The following KIF26B variants were observed in gnomAD, a reference collection of about 807,000 sequenced individuals.
The protein encoded by KIF26B is kinesin family member 26B, also known as kinesin-like protein KIF26B.
A neutral mutation model predicts 151.2 loss-of-function variants in KIF26B; 63 were observed. The observed-to-expected ratio is 0.42, with a 90% CI of 0.34 to 0.51. The LOEUF is 0.51. KIF26B is among the 20% of genes least tolerant of loss of function. The probability of loss-of-function intolerance (pLI) is 0.07; values close to 1 mark genes in which losing one functional copy is unlikely to be tolerated. For missense variants in KIF26B, 2,813 were observed against 2,913.6 expected (o/e 0.97, Z 0.79); for synonymous variants, 1,357 against 1,262.1 (o/e 1.08, Z -1.59).
At chr1:245,565,610 C>T (rs891196066) in intron 5 of KIF26B, among the ~76,000 whole-genome samples, 2 of 152,134 alleles carry the variant, frequency 1.3e-5, no homozygotes, top group African/African-American at 4.8e-5. Context: ...TCTTGCCGGT[C>T]ATTTGTACAG....
intron 5 of KIF26B, among the ~76,000 whole-genome samples, chr1:245,567,902 G>A (rs1175146558): frequency 6.6e-6 from 1 of 152,072 alleles, no homozygotes; most frequent in East Asian, 1.9e-4. Flanking sequence ...TTCTTAAAGG[G>A]GCCGGGCACG....
intron 2 of KIF26B, among the ~76,000 whole-genome samples, chr1:245,172,957 C>T (rs536222533): frequency 6.6e-6 from 1 of 152,212 alleles, no homozygotes; most frequent in Non-Finnish European, 1.5e-5. Context: ...TAGCCATGTT[C>T]ATAGCAGCCT....
intron 2 of KIF26B, among the ~76,000 whole-genome samples, chr1:245,184,054 T>TTTTTTTTTTTTTTG (rs1668958952): frequency 8.8e-6 from 1 of 113,200 alleles, no homozygotes; most frequent in Non-Finnish European, 1.9e-5. Context: ...GTTGTTGTTT[T>TTTTTTTTTTTTTTG]TTTTTTTTTT....
rs4658440 is a variant in KIF26B, at chr1:245,170,997, A to G, written c.465+14314A>G. Among the ~76,000 whole-genome samples, 144,950 of 152,292 alleles carry G rather than the reference A, an allele frequency of 0.95. 69,446 individuals are homozygous for G. Among genetic ancestry groups the G allele is most frequent in the East Asian group, 1 (5,186 of 5,186 alleles). On this transcript the variant is annotated intron_variant, in intron 2 of 14. Transcript: ENST00000407071. This position sits in a 1 kb window ranked among gnomAD's most constrained non-coding sequence, Gnocchi z 4.4. ...TTACATCCCAATGGAGTTGGGCATG[A>G]GAATAAGAAAGAAATCTCCCTTTAA... is the stretch of plus-strand genomic sequence containing the variant.
chr1:245,476,265 C>T (rs957624722), intron 4 of KIF26B, among the ~76,000 whole-genome samples: 2 of 151,634 alleles, frequency 1.3e-5, no homozygotes, highest in Non-Finnish European at 3.0e-5. Context: ...TTGAGTGAGA[C>T]GAGGAGTGAG....
At chr1:245,299,493 C>T (rs1671391756) in intron 2 of KIF26B, among the ~76,000 whole-genome samples, 1 of 152,066 alleles carries the variant, frequency 6.6e-6, no homozygotes, top group African/African-American at 2.4e-5. Flanking sequence ...GTAAGAAAAA[C>T]ATTATTAGGA....
intron 2 of KIF26B, among the ~76,000 whole-genome samples, chr1:245,269,677 C>A (rs11587597): frequency 2.0e-5 from 3 of 151,956 alleles, no homozygotes; most frequent in Admixed American, 6.6e-5. Context: ...GTTGGCCAGG[C>A]TGATCTCGAA....
rs184365710 is a variant in KIF26B at position 245,208,345 on chromosome 1, T to C, written c.465+51662T>C. 8.6e-4 allele frequency among the ~76,000 whole-genome samples: 131 copies of C among 152,356 alleles called. 2 individuals carry two copies. The South Asian group carries it at 0.015, about 18-fold the overall frequency. On this transcript the variant is annotated intron_variant, in intron 2 of 14. Coordinates refer to ENST00000407071, the MANE Select transcript of KIF26B (RefSeq NM_018012.4). ...CATTGTGCTGTAATTTACATCTATCTTCCCCCATTGATAACACCAGGCCCT... is the reference window on the plus strand; with the variant it reads ...CATTGTGCTGTAATTTACATCTATCCTCCCCCATTGATAACACCAGGCCCT...
intron 4 of KIF26B, among the ~76,000 whole-genome samples, chr1:245,420,214 G>A (rs1177763): frequency 6.6e-6 from 1 of 152,054 alleles, no homozygotes; most frequent in Non-Finnish European, 1.5e-5. Context: ...TTTCTCCCCC[G>A]CTTCTTGACA....
intron 4 of KIF26B, among the ~76,000 whole-genome samples, chr1:245,535,642 G>A (rs1320969546): frequency 1.3e-5 from 2 of 152,074 alleles, no homozygotes; most frequent in Non-Finnish European, 1.5e-5. Context: ...ATCACTAGTG[G>A]GTTATTCCAA....
At chr1:245,195,271 T>G (rs556596189) in intron 2 of KIF26B, among the ~76,000 whole-genome samples, 1 of 152,366 alleles carries the variant, frequency 6.6e-6, no homozygotes, top group South Asian at 2.1e-4. Context: ...TTTCCAATTA[T>G]GCATATATTT....
chr1:245,357,507 G>T (rs981701479), intron 2 of KIF26B, among the ~76,000 whole-genome samples: 1 of 152,116 alleles, frequency 6.6e-6, no homozygotes, highest in Non-Finnish European at 1.5e-5. Context: ...CAAGACTTTG[G>T]TTTTTTTAGT....
intron 4 of KIF26B, among the ~76,000 whole-genome samples, chr1:245,452,482 A>G (rs1259890283): frequency 6.6e-6 from 1 of 152,194 alleles, no homozygotes; most frequent in African/African-American, 2.4e-5. Context: ...CGAGTCATAC[A>G]ACACTTGTAT....
chr1:245,349,354 G>C (rs1445246520), intron 2 of KIF26B, among the ~76,000 whole-genome samples: 1 of 152,066 alleles, frequency 6.6e-6, no homozygotes, highest in Admixed American at 6.5e-5. Context: ...TGTAATAAAA[G>C]ATCCCAGAGG....
At position 245,156,370 on chromosome 1, in the gene KIF26B, G is replaced by A. The variant is rs1438060113; in HGVS notation, c.152G>A (p.Gly51Asp). Residue 51 changes from glycine to aspartate, a missense_variant, in exon 2 of 15, where the codon GGC (glycine) becomes GAC (aspartate). Around this residue, in one of 3 missense-constraint regions of KIF26B, gnomAD observed 676 missense variants for 688.1 expected, o/e 0.98. Transcript: ENST00000407071. The stretch of plus-strand genomic sequence containing the variant: ...AAAGCATACGAGGAGTCGCGCGCCG[G>A]CAGCCGGCCCACTCCTGAGGGCGCG... ...YRKAYEESRA[G>D]SRPTPEGAGS... The A allele has an allele frequency of 1.3e-6, 2 of 1,544,014 alleles. No homozygotes were observed. Among genetic ancestry groups the A allele is most frequent in the South Asian group, 2.4e-5 (2 of 83,952 alleles).
rs1268768982 is a variant in KIF26B at position 245,218,093 on chromosome 1, T to C, written c.465+61410T>C. Reference sequence around the variant, plus strand: ...CTGGTGACTCTGAAGAGAGCCCACCTACAGTCCAGCATGTCTGGATCCTGT... The same window carrying C: ...CTGGTGACTCTGAAGAGAGCCCACCCACAGTCCAGCATGTCTGGATCCTGT... On this transcript the variant is annotated intron_variant, in intron 2 of 14. Coordinates refer to ENST00000407071, the MANE Select transcript of KIF26B (RefSeq NM_018012.4). The surrounding 1 kb of genome is among the most constrained non-coding windows in gnomAD (Gnocchi z 4.1). 6.6e-6 allele frequency among the ~76,000 whole-genome samples: 1 copy of C among 152,234 alleles called. No homozygotes were observed. Among genetic ancestry groups the C allele is most frequent in the Non-Finnish European group, 1.5e-5 (1 of 68,042 alleles).
At chr1:245,490,225 C>G (rs958471118) in intron 4 of KIF26B, among the ~76,000 whole-genome samples, 3 of 151,676 alleles carry the variant, frequency 2.0e-5, no homozygotes, top group Non-Finnish European at 4.4e-5. Context: ...ATTAGACTTA[C>G]TAGTCCCATA....
At chr1:245,382,182 A>G (rs1054567795) in intron 3 of KIF26B, among the ~76,000 whole-genome samples, 8 of 152,134 alleles carry the variant, frequency 5.3e-5, no homozygotes, top group African/African-American at 1.9e-4. Flanking sequence ...TTACACTCCC[A>G]CAAGAGTGCA....
chr1:245,223,693 TC>T (rs548537709), intron 2 of KIF26B, among the ~76,000 whole-genome samples: 248 of 152,346 alleles, frequency 1.6e-3, no homozygotes, highest in African/African-American at 5.8e-3. Flanking sequence ...GCAAGTGTGT[TC>T]TGCAGACCTC....
Sources: allele counts gnomAD v4.1 joint callset (sites outside exome capture counted in the v4.1 genomes callset), GRCh38; gene constraint gnomAD v4.1.1; regional missense constraint gnomAD v4.1.1; non-coding constraint Gnocchi (gnomAD v3.1); transcripts MANE v1.5; gene names NCBI Gene and HGNC (gene_info 2026-07-23, HGNC 2026-07-21).